HBS1L: variants seen among roughly 807,000 people sequenced by gnomAD.
The protein encoded by HBS1L is HBS1-like protein.
HBS1L carries 55 observed loss-of-function variants against 88.9 expected under a neutral mutation model. The ratio of observed to expected loss-of-function variants is 0.62; its 90% CI spans 0.50 to 0.77. The LOEUF (loss-of-function observed/expected upper bound fraction) is 0.77, where lower values mean the gene tolerates loss of function less well. HBS1L is among the 30% of genes least tolerant of loss of function. The pLI is 0.00. For synonymous variants in HBS1L, 267 were observed against 288.5 expected (o/e 0.93, Z 0.76); for missense variants, 741 against 829.3 (o/e 0.89, Z 1.31).
chr6:135,043,049 G>A (rs1248945884), intron 2 of HBS1L, among the ~76,000 whole-genome samples: 2 of 152,044 alleles, frequency 1.3e-5, no homozygotes. Context: ...ATATATAACT[G>A]GGTATTCATA....
chr6:135,002,293 C>T (rs1477357478), intron 5 of HBS1L, among the ~76,000 whole-genome samples: 1 of 152,076 alleles, frequency 6.6e-6, no homozygotes, highest in Non-Finnish European at 1.5e-5. Context: ...GTCTTTGCTA[C>T]AATGGTCCAA....
chr6:135,021,186 C>T (rs1209545998), intron 4 of HBS1L, among the ~76,000 whole-genome samples: 1 of 151,878 alleles, frequency 6.6e-6, no homozygotes, highest in Non-Finnish European at 1.5e-5. Context: ...TAAGTGTTAG[C>T]AGATATAAAG....
chr6:134,971,092 A>T (rs1036904090), intron 15 of HBS1L, among the ~76,000 whole-genome samples: 3 of 137,592 alleles, frequency 2.2e-5, no homozygotes, highest in African/African-American at 8.0e-5. Flanking sequence ...TTTCTAAACC[A>T]ACTCATTCAA....
chr6:135,026,475 A>C (rs1223175425), intron 4 of HBS1L, among the ~76,000 whole-genome samples: 1 of 152,166 alleles, frequency 6.6e-6, no homozygotes, highest in South Asian at 2.1e-4. Flanking sequence ...ATGTAAATAT[A>C]AAAGACAACA....
chr6:134,964,253 C>T lies in HBS1L; in HGVS notation c.*1026G>A, dbSNP rs1054987500. 6.6e-6 allele frequency: 1 copy of T among 152,140 alleles called. No homozygotes were observed. Among genetic ancestry groups the T allele is most frequent in the African/African-American group, 2.4e-5 (1 of 41,532 alleles). The allele number at this position is 152,140 out of a possible 1,614,324, so 9.4% of individuals were successfully genotyped here. On this transcript the variant is annotated 3_prime_UTR_variant, in exon 18 of 18. Transcript: ENST00000367837. Reference sequence around the variant, plus strand: ...TTCCAGGTTCAGCTGAGGTCAAAATCTACTCTAAAGCTCCTTGCACCCAGA... The same window carrying T: ...TTCCAGGTTCAGCTGAGGTCAAAATTTACTCTAAAGCTCCTTGCACCCAGA...
chr6:135,035,955 A>G (rs1776534828), intron 4 of HBS1L: 1 of 597,314 alleles, frequency 1.7e-6, no homozygotes, highest in Non-Finnish European at 2.1e-6. Flanking sequence ...TCCAACTTCT[A>G]TATTTACATG....
At chr6:135,037,780 T>C in intron 4 of HBS1L, 1 of 1,549,798 alleles carries the variant, frequency 6.5e-7, no homozygotes, top group Non-Finnish European at 8.7e-7. Flanking sequence ...ATGAATTAGG[T>C]TAGCTAGTGA....
intron 7 of HBS1L, among the ~76,000 whole-genome samples, chr6:134,994,432 C>T (rs6909975): frequency 0.58 from 88,308 of 151,900 alleles, 26,695 homozygotes; most frequent in African/African-American, 0.76. Flanking sequence ...TTAATTCTTC[C>T]TGGAGACCAA....
intron 4 of HBS1L, among the ~76,000 whole-genome samples, chr6:135,009,239 A>T (rs1420526883): frequency 6.6e-6 from 1 of 152,098 alleles, no homozygotes; most frequent in Non-Finnish European, 1.5e-5. Context: ...GCTAAATTAA[A>T]ATATATATAT....
chr6:134,960,413 C>T lies in HBS1L; in HGVS notation c.*4866G>A, dbSNP rs901572968. The T allele has an allele frequency of 1.3e-5, 2 of 152,070 alleles. No homozygotes were observed. Among genetic ancestry groups the T allele is most frequent in the Non-Finnish European group, 2.9e-5 (2 of 67,974 alleles). The allele number at this position is 152,070 out of a possible 1,614,324, so 9.4% of individuals were successfully genotyped here. On this transcript the variant is annotated 3_prime_UTR_variant, in exon 18 of 18. Coordinates refer to ENST00000367837, the MANE Select transcript of HBS1L (RefSeq NM_006620.4). Reference sequence around the variant, plus strand: ...CTTTGCTATTTAAGTCCTCTATGACCTTGTTTGTTTACATGATCTATAAGG... The same window carrying T: ...CTTTGCTATTTAAGTCCTCTATGACTTTGTTTGTTTACATGATCTATAAGG...
chr6:134,971,810 A>G (rs1188648079), intron 15 of HBS1L, among the ~76,000 whole-genome samples: 1 of 152,136 alleles, frequency 6.6e-6, no homozygotes, highest in African/African-American at 2.4e-5. Context: ...TATATAGCAC[A>G]ACCTCTCGGA....
At chr6:134,965,358 G>A in intron 17 of HBS1L, 68 bp from the exon 18 acceptor site, 1 of 1,057,390 alleles carries the variant, frequency 9.5e-7, no homozygotes, top group Non-Finnish European at 1.4e-6. Flanking sequence ...AACAACAAAG[G>A]GAAAATTATG....
At chr6:135,038,583 G>A (rs1413269714) in intron 4 of HBS1L, among the ~76,000 whole-genome samples, 1 of 152,236 alleles carries the variant, frequency 6.6e-6, no homozygotes, top group East Asian at 1.9e-4. Context: ...CATGGTAACA[G>A]GCTGTACACA....
chr6:134,995,165 G>A (rs1349983756), intron 7 of HBS1L, among the ~76,000 whole-genome samples: 1 of 151,978 alleles, frequency 6.6e-6, no homozygotes, highest in African/African-American at 2.4e-5. Flanking sequence ...AGACTGACCT[G>A]GGTATACTCT....
chr6:134,995,397 A>G (rs1432210226), intron 7 of HBS1L, among the ~76,000 whole-genome samples: 1 of 152,068 alleles, frequency 6.6e-6, no homozygotes, highest in Non-Finnish European at 1.5e-5. Flanking sequence ...CTATGGAATG[A>G]AGAAATATTC....
chr6:134,976,935 G>GA (rs1404106620), intron 15 of HBS1L, among the ~76,000 whole-genome samples: 1 of 151,736 alleles, frequency 6.6e-6, no homozygotes, highest in Non-Finnish European at 1.5e-5. Context: ...AAAAACAAAG[G>GA]AAAAAATTAC....
chr6:134,963,763 G>T lies in HBS1L; in HGVS notation c.*1516C>A, dbSNP rs1311633185. The T allele has an allele frequency of 7.9e-5, 12 of 152,164 alleles. No individual in the cohort carries two copies. The highest frequency in any genetic ancestry group is 1.8e-4 in the Non-Finnish European group (12 of 68,062). 9.4% of individuals were successfully genotyped at this position (152,164 alleles called of 1,614,324 possible). A position where few individuals can be genotyped will look rare whatever the true frequency, so the allele number is the denominator to read the frequency against. The stretch of plus-strand genomic sequence containing the variant: ...GTTTGAGAGCAAAACCAGCACCAGG[G>T]AAGGCAGAGTGGAGATGAGTCCTTG... On this transcript the variant is annotated 3_prime_UTR_variant, in exon 18 of 18. Coordinates refer to ENST00000367837, the MANE Select transcript of HBS1L (RefSeq NM_006620.4).
At chr6:135,030,593 A>G (rs1776356654) in intron 4 of HBS1L, among the ~76,000 whole-genome samples, 1 of 152,218 alleles carries the variant, frequency 6.6e-6, no homozygotes, top group African/African-American at 2.4e-5. Flanking sequence ...AAATAAACTG[A>G]AAAGTCAAGA....
At chr6:135,030,132 C>A (rs560932742) in intron 4 of HBS1L, among the ~76,000 whole-genome samples, 4 of 152,148 alleles carry the variant, frequency 2.6e-5, no homozygotes, top group Non-Finnish European at 4.4e-5. Context: ...GTAGAACTTA[C>A]ATGGAAGAGG....
Sources: allele counts gnomAD v4.1 joint callset (sites outside exome capture counted in the v4.1 genomes callset), GRCh38; gene constraint gnomAD v4.1.1; transcripts MANE v1.5; gene names NCBI Gene and HGNC (gene_info 2026-07-23, HGNC 2026-07-21).